SLC2A9: variants seen among roughly 807,000 people sequenced by gnomAD.
SLC2A9 encodes the protein solute carrier family 2, facilitated glucose transporter member 9.
Under a neutral mutation model 50.6 loss-of-function variants are expected in SLC2A9, and 39 were observed. The ratio of observed to expected loss-of-function variants is 0.77; its 90% confidence interval spans 0.60 to 1.01. The LOEUF is 1.01. Ranked by LOEUF, SLC2A9 falls within the 50% of genes least tolerant of loss-of-function variation. SLC2A9 has a pLI of 0.00. For missense variants in SLC2A9, 686 were observed against 677.6 expected (o/e 1.01, Z -0.14); for synonymous variants, 324 against 276.9 (o/e 1.17, Z -1.69).
intron 3 of SLC2A9, among the ~76,000 whole-genome samples, chr4:9,808,220 G>A (rs969926691): frequency 1.3e-5 from 2 of 152,204 alleles, no homozygotes; most frequent in Non-Finnish European, 2.9e-5. Flanking sequence ...CACTGGCCAG[G>A]CCTCTTCTCA....
chr4:10,013,217 A>G (rs1259661553), intron 2 of SLC2A9, among the ~76,000 whole-genome samples: 1 of 152,152 alleles, frequency 6.6e-6, no homozygotes, highest in African/African-American at 2.4e-5. Context: ...AGGACTGAAG[A>G]TCTTTCTTCA....
chr4:9,970,747 CT>C (rs1216164313), intron 5 of SLC2A9, among the ~76,000 whole-genome samples: 1 of 152,118 alleles, frequency 6.6e-6, no homozygotes, highest in Non-Finnish European at 1.5e-5. Context: ...TACTCAGTAC[CT>C]GTTTTAAGAA....
chr4:9,808,259 C>A (rs1393907721), intron 3 of SLC2A9, among the ~76,000 whole-genome samples: 1 of 152,226 alleles, frequency 6.6e-6, no homozygotes, highest in Non-Finnish European at 1.5e-5. Context: ...TGATGAGGTT[C>A]TTCTCCCCTG....
At chr4:9,911,953 T>C (rs1456445601) in intron 7 of SLC2A9, among the ~76,000 whole-genome samples, 1 of 152,140 alleles carries the variant, frequency 6.6e-6, no homozygotes, top group African/African-American at 2.4e-5. Context: ...TGGAATACTA[T>C]GCAGCCATAA....
rs565733714 is a variant in SLC2A9 at position 9,886,419 on chromosome 4, T to C, written c.1291+1148A>G. Among the ~76,000 whole-genome samples, 73 of 141,106 alleles carry C rather than the reference T, an allele frequency of 5.2e-4. No homozygotes were observed. In the South Asian group the frequency reaches 0.015, roughly 28 times the overall value. 92.6% of individuals were successfully genotyped at this position (141,106 alleles called of 152,430 possible). ...CTTGCAGCCGTTCTGACCACCCTCA[T>C]AGCACTGTGTGTGTGTGTGTGTGTG... On this transcript the variant is annotated intron_variant, in intron 10 of 11. Transcript: ENST00000264784.
At chr4:9,920,980 G>A (rs926564364) in intron 6 of SLC2A9, among the ~76,000 whole-genome samples, 3 of 152,194 alleles carry the variant, frequency 2.0e-5, no homozygotes, top group African/African-American at 7.2e-5. Context: ...ATGGCTCGGA[G>A]CTTCCCACAC....
intron 5 of SLC2A9, among the ~76,000 whole-genome samples, chr4:9,965,393 A>T (rs888012381): frequency 1.3e-5 from 2 of 152,208 alleles, no homozygotes; most frequent in African/African-American, 4.8e-5. Flanking sequence ...TATTTTACGG[A>T]TTAACCATAA....
chr4:9,803,660 T>A (rs1721752210), intron 3 of SLC2A9, among the ~76,000 whole-genome samples: 1 of 152,190 alleles, frequency 6.6e-6, no homozygotes, highest in South Asian at 2.1e-4. Context: ...CTGCAAGTAT[T>A]TTCAGTAGCA....
chr4:9,964,205 G>T (rs990030239), intron 5 of SLC2A9, among the ~76,000 whole-genome samples: 3 of 152,202 alleles, frequency 2.0e-5, no homozygotes, highest in Non-Finnish European at 4.4e-5. Flanking sequence ...TACATGTCGT[G>T]TAGGTTTCAG....
At chr4:9,971,523 C>A (rs1753908589) in intron 5 of SLC2A9, among the ~76,000 whole-genome samples, 1 of 152,182 alleles carries the variant, frequency 6.6e-6, no homozygotes. Context: ...CCTCTTGTTG[C>A]TCAAATGTAG....
chr4:9,886,461 T>C (rs927266126), intron 10 of SLC2A9, among the ~76,000 whole-genome samples: 10 of 129,222 alleles, frequency 7.7e-5, no homozygotes, highest in African/African-American at 3.1e-4. Flanking sequence ...TGTGTGTGTG[T>C]GTGTGTGTGT....
At chr4:9,840,093 G>T (rs1042450622) in intron 10 of SLC2A9, among the ~76,000 whole-genome samples, 1 of 152,132 alleles carries the variant, frequency 6.6e-6, no homozygotes, top group Admixed American at 6.6e-5. Flanking sequence ...CTTGTGGAAG[G>T]TAAGTAATTT....
intron 8 of SLC2A9, among the ~76,000 whole-genome samples, chr4:9,893,951 C>T (rs895289433): frequency 6.6e-6 from 1 of 152,104 alleles, no homozygotes; most frequent in Non-Finnish European, 1.5e-5. Flanking sequence ...GGATCAGAGG[C>T]CAAGAGTGAT....
chr4:9,911,259 T>C (rs900570929), intron 7 of SLC2A9, among the ~76,000 whole-genome samples: 2 of 151,860 alleles, frequency 1.3e-5, no homozygotes, highest in Non-Finnish European at 2.9e-5. Context: ...GCTACAGGGG[T>C]CCTGCCGGGC....
intron 3 of SLC2A9, among the ~76,000 whole-genome samples, chr4:9,800,474 C>T (rs1047425722): frequency 2.0e-5 from 3 of 152,148 alleles, no homozygotes; most frequent in Non-Finnish European, 4.4e-5. Flanking sequence ...AAGAAAGTGG[C>T]CATTTATAAG....
chr4:10,032,904 G>T lies in SLC2A9; in HGVS notation c.-40-6898C>A, dbSNP rs1426228248. On this transcript the variant is annotated intron_variant, in intron 1 of 12. Transcript: ENST00000309065. Reference sequence around the variant, plus strand: ...CATGGGCAAGTTATGTAACCAAGCTGAGTCACCAATTCTTTGTTCATAAAG... The same window carrying T: ...CATGGGCAAGTTATGTAACCAAGCTTAGTCACCAATTCTTTGTTCATAAAG... Among the ~76,000 whole-genome samples the T allele has an allele frequency of 2.0e-5, 3 of 152,204 alleles. No homozygotes were observed. In the East Asian group the frequency reaches 5.8e-4, roughly 29 times the overall value.
intron 8 of SLC2A9, among the ~76,000 whole-genome samples, chr4:9,906,149 A>G (rs1332211648): frequency 2.6e-5 from 4 of 152,214 alleles, no homozygotes; most frequent in Non-Finnish European, 5.9e-5. Flanking sequence ...GCCCATCCCT[A>G]TGAAGCAGGG....
rs765391606 is a variant in SLC2A9, at chr4:9,947,892, G to C, written c.682-5847C>G. Among the ~76,000 whole-genome samples the C allele has an allele frequency of 2.3e-4, 35 of 152,158 alleles. 1 individual carries two copies. Among genetic ancestry groups the C allele is most frequent in the Non-Finnish European group, 4.6e-4 (31 of 68,028 alleles). On this transcript the variant is annotated intron_variant, in intron 5 of 11. Transcript: ENST00000264784. ...TGTCCCCTCCCTCTTTCTGCCTCCT[G>C]ACTGACCCAGTGCTTCCCTGCGTGG...
At position 10,017,129 on chromosome 4, in the gene SLC2A9, C is replaced by G. The variant is rs142735085; in HGVS notation, c.249+1846G>C. ...CTCCTCCAGGCTGTCTTCCCTGATC[C>G]CCAGAGTTGGATACATTATAAACTC... On this transcript the variant is annotated intron_variant, in intron 2 of 11. Coordinates refer to ENST00000264784, the MANE Select transcript of SLC2A9 (RefSeq NM_020041.3). Among the ~76,000 whole-genome samples, 32 of 152,306 alleles carry G rather than the reference C, an allele frequency of 2.1e-4. No individual in the cohort carries two copies. In the East Asian group the frequency reaches 6.2e-3, roughly 29 times the overall value.
Sources: allele counts gnomAD v4.1 joint callset (sites outside exome capture counted in the v4.1 genomes callset), GRCh38; gene constraint gnomAD v4.1.1; transcripts MANE v1.5; gene names NCBI Gene and HGNC (gene_info 2026-07-23, HGNC 2026-07-21).